Variants in MIPOL1 observed in about 807,000 individuals in gnomAD.
MIPOL1 encodes the protein mirror-image polydactyly gene 1 protein.
In MIPOL1, 57 loss-of-function variants were observed where a neutral mutation model predicts 60.9. That is an observed-to-expected ratio of 0.94 (90% CI 0.76 to 1.17). The LOEUF (loss-of-function observed/expected upper bound fraction) is 1.17, where lower values mean the gene tolerates loss of function less well. MIPOL1 is among the 50% of genes most tolerant of loss of function. The pLI is 0.00. For synonymous variants in MIPOL1, 179 were observed against 168.8 expected, an observed-to-expected ratio of 1.06 and a Z score of -0.47; for missense variants, 551 against 511.6, an observed-to-expected ratio of 1.08 and a Z score of -0.74.
chr14:37,414,778 A>T (rs1011944125), intron 10 of MIPOL1, among the ~76,000 whole-genome samples: 2 of 152,208 alleles, frequency 1.3e-5, no homozygotes, highest in Non-Finnish European at 2.9e-5. Flanking sequence ...GTAAACAGGC[A>T]CAGGTCTGGA....
At chr14:37,474,238 G>A (rs75424073) in intron 11 of MIPOL1, among the ~76,000 whole-genome samples, 1 of 152,118 alleles carries the variant, frequency 6.6e-6, no homozygotes, top group Non-Finnish European at 1.5e-5. Flanking sequence ...ACTTGTGCAG[G>A]TTTTTGTATG....
intron 1 of MIPOL1, among the ~76,000 whole-genome samples, chr14:37,204,915 G>A (rs1965842455): frequency 6.6e-6 from 1 of 152,130 alleles, no homozygotes; most frequent in Non-Finnish European, 1.5e-5. Flanking sequence ...CTTATTGAAT[G>A]GCTTTGCCCA....
At chr14:37,348,503 A>T (rs548126690) in intron 9 of MIPOL1, among the ~76,000 whole-genome samples, 1 of 152,128 alleles carries the variant, frequency 6.6e-6, no homozygotes, top group Non-Finnish European at 1.5e-5. Flanking sequence ...AATTAAACAC[A>T]CTAGTATTAA....
At chr14:37,448,492 T>G (rs1383238474) in intron 11 of MIPOL1, among the ~76,000 whole-genome samples, 1 of 152,228 alleles carries the variant, frequency 6.6e-6, no homozygotes, top group African/African-American at 2.4e-5. Context: ...AAATTCTTTT[T>G]GCTTGCCAAA....
At chr14:37,292,131 T>C (rs2085127213) in intron 7 of MIPOL1, among the ~76,000 whole-genome samples, 1 of 151,780 alleles carries the variant, frequency 6.6e-6, no homozygotes, top group African/African-American at 2.4e-5. Context: ...TTCGCTGTAT[T>C]AGCCAGGATG....
chr14:37,463,394 C>T (rs1271914770), intron 11 of MIPOL1, among the ~76,000 whole-genome samples: 1 of 152,046 alleles, frequency 6.6e-6, no homozygotes, highest in Non-Finnish European at 1.5e-5. Context: ...TATATCAGTA[C>T]AGATAGAAAA....
At chr14:37,251,811 A>G (rs1411560318) in intron 3 of MIPOL1, among the ~76,000 whole-genome samples, 1 of 152,028 alleles carries the variant, frequency 6.6e-6, no homozygotes, top group Admixed American at 6.6e-5. Context: ...AGCATACAAC[A>G]ATTCTTTGCA....
rs528142575 is a variant in MIPOL1, at chr14:37,532,644, C to T, written c.1263-14261C>T. On this transcript the variant is annotated intron_variant, in intron 12 of 12. Coordinates refer to ENST00000684589, the MANE Select transcript of MIPOL1 (RefSeq NM_001388067.1). ...GGATTTTCAGAAACTCTACAAAACA[C>T]GACATGTGAACATGGTAATTTGTTA... Among the ~76,000 whole-genome samples, 7 of 152,184 alleles carry T rather than the reference C, an allele frequency of 4.6e-5. No homozygotes were observed. In the East Asian group the frequency reaches 5.8e-4, roughly 13 times the overall value.
At chr14:37,262,433 A>G (rs1424678887) in intron 3 of MIPOL1, among the ~76,000 whole-genome samples, 1 of 152,112 alleles carries the variant, frequency 6.6e-6, no homozygotes, top group African/African-American at 2.4e-5. Context: ...TTATATTTTG[A>G]TGTTTTTATA....
At chr14:37,240,135 C>T (rs1335536842) in intron 1 of MIPOL1, among the ~76,000 whole-genome samples, 2 of 151,936 alleles carry the variant, frequency 1.3e-5, no homozygotes, top group Non-Finnish European at 2.9e-5. Context: ...CAAAGTATGG[C>T]TTGTTATTAG....
At chr14:37,510,180 T>C (rs2095316211) in intron 12 of MIPOL1, among the ~76,000 whole-genome samples, 1 of 152,054 alleles carries the variant, frequency 6.6e-6, no homozygotes, top group African/African-American at 2.4e-5. Flanking sequence ...ACATAGACTG[T>C]ATATATGTAT....
At chr14:37,521,275 T>G (rs914030074) in intron 12 of MIPOL1, among the ~76,000 whole-genome samples, 40 of 152,170 alleles carry the variant, frequency 2.6e-4, no homozygotes, top group Non-Finnish European at 5.1e-4. Context: ...GCCTCTGTTT[T>G]CTAGAATATT....
At chr14:37,466,646 A>G (rs560864575) in intron 11 of MIPOL1, among the ~76,000 whole-genome samples, 11 of 152,300 alleles carry the variant, frequency 7.2e-5, no homozygotes, top group Admixed American at 7.2e-4. Context: ...ATTCTTGTCA[A>G]ATCTTTTCGC....
At chr14:37,532,112 T>A (rs2095483396) in intron 12 of MIPOL1, among the ~76,000 whole-genome samples, 1 of 152,206 alleles carries the variant, frequency 6.6e-6, no homozygotes, top group Non-Finnish European at 1.5e-5. Context: ...AATTGTTTGC[T>A]GCCAATTTCC....
At chr14:37,377,831 T>G (rs1203790200) in intron 10 of MIPOL1, among the ~76,000 whole-genome samples, 1 of 146,984 alleles carries the variant, frequency 6.8e-6, no homozygotes, top group Non-Finnish European at 1.5e-5. Context: ...CACTATAACC[T>G]CCAATTCCTG....
chr14:37,309,609 T>A (rs2087117353), intron 9 of MIPOL1, among the ~76,000 whole-genome samples: 3 of 152,040 alleles, frequency 2.0e-5, no homozygotes, highest in African/African-American at 7.2e-5. Context: ...TCATTCTGAG[T>A]CTCAATGTCA....
chr14:37,302,359 A>G (rs1051272269), intron 7 of MIPOL1, among the ~76,000 whole-genome samples: 2 of 151,042 alleles, frequency 1.3e-5, no homozygotes, highest in East Asian at 2.0e-4. Flanking sequence ...CCTGATGACA[A>G]ATCATATTGA....
At position 37,247,196 on chromosome 14, in the gene MIPOL1, CTTTA is replaced by C. The variant is rs772256461; in HGVS notation, c.-101_-98del. ...TTGGAAAAGGAGAAGCTTACTACAG[CTTTA>C]TTTGAGGACTTTTTAAAGAACGCTG... On this transcript the variant is annotated 5_prime_UTR_variant, in exon 2 of 13. The change creates a premature stop within an existing upstream ORF in the 5' untranslated region. Coordinates refer to ENST00000684589, the MANE Select transcript of MIPOL1 (RefSeq NM_001388067.1). 1.3e-5 allele frequency: 2 copies of C among 152,282 alleles called. No individual in the cohort carries two copies. The highest frequency in any genetic ancestry group is 2.9e-5 in the Non-Finnish European group (2 of 67,918). 9.4% of individuals were successfully genotyped at this position (152,282 alleles called of 1,614,324 possible). A position where few individuals can be genotyped will look rare whatever the true frequency, so the allele number is the denominator to read the frequency against.
intron 7 of MIPOL1, among the ~76,000 whole-genome samples, chr14:37,290,004 A>G (rs1208572591): frequency 6.6e-6 from 1 of 152,198 alleles, no homozygotes; most frequent in Non-Finnish European, 1.5e-5. Flanking sequence ...AATGAATTTC[A>G]CTTTCAAAGG....
Sources: allele counts gnomAD v4.1 joint callset (sites outside exome capture counted in the v4.1 genomes callset), GRCh38; gene constraint gnomAD v4.1.1; transcripts MANE v1.5; gene names NCBI Gene and HGNC (gene_info 2026-07-23, HGNC 2026-07-21).